Variants in COL28A1 observed in about 807,000 individuals in gnomAD.
COL28A1 encodes the protein collagen type XXVIII alpha 1 chain.
A neutral mutation model predicts 150.2 loss-of-function variants in COL28A1; 161 were observed. The observed-to-expected ratio is 1.07, with a 90% CI of 0.94 to 1.22. The LOEUF (loss-of-function observed/expected upper bound fraction) is 1.22. Among genes scored for constraint, COL28A1 ranks in the 50% most tolerant of loss-of-function variants. The pLI is 0.00. For missense variants in COL28A1, 1,617 were observed against 1,388.3 expected, an observed-to-expected ratio of 1.16 and a Z score of -2.62; for synonymous variants, 552 against 469.7, an observed-to-expected ratio of 1.18 and a Z score of -2.26.
chr7:7,376,513 A>G (rs116299835), intron 30 of COL28A1, among the ~76,000 whole-genome samples: 4,609 of 152,288 alleles, frequency 0.03, 258 homozygotes, highest in African/African-American at 0.1. Context: ...GCTGAGTTAT[A>G]TAATACAATT....
In COL28A1 at chr7:7,443,674, G is replaced by A. The variant is rs1368205758; in HGVS notation, c.1582-21C>T. ...TCTCCCTAGAGAAAATGACACTGAT[G>A]TGTTAGCTGACCCTCCAGTAGACAG... On this transcript the variant is annotated intron_variant, in intron 19 of 34. Coordinates refer to ENST00000399429, the MANE Select transcript of COL28A1 (RefSeq NM_001037763.3). 6.8e-6 allele frequency: 11 copies of A among 1,613,672 alleles called. No individual in the cohort carries two copies. In the African/African-American group the frequency reaches 8.0e-5, roughly 12 times the overall value.
At chr7:7,438,098 C>G (rs901946696) in intron 21 of COL28A1, among the ~76,000 whole-genome samples, 1 of 151,510 alleles carries the variant, frequency 6.6e-6, no homozygotes, top group African/African-American at 2.4e-5. Context: ...AAAAAATAGC[C>G]AAAATTAGCC....
At chr7:7,418,300 C>T (rs980008233) in intron 26 of COL28A1, among the ~76,000 whole-genome samples, 1 of 152,200 alleles carries the variant, frequency 6.6e-6, no homozygotes, top group Admixed American at 6.5e-5. Context: ...TCCACATAGC[C>T]TTAAGATGTT....
intron 30 of COL28A1, among the ~76,000 whole-genome samples, chr7:7,377,537 G>A (rs865944315): frequency 2.0e-5 from 3 of 152,158 alleles, no homozygotes; most frequent in African/African-American, 4.8e-5. Flanking sequence ...GAGCGTTCAG[G>A]CAAGGTGGTC....
At chr7:7,381,267 T>C (rs148022514) in intron 28 of COL28A1, among the ~76,000 whole-genome samples, 202 of 152,314 alleles carry the variant, frequency 1.3e-3, no homozygotes, top group African/African-American at 4.7e-3. Context: ...TTTTTAAACA[T>C]AGAGATGGGA....
In COL28A1 at chr7:7,372,363, C is replaced by A. The variant is rs2128283782; in HGVS notation, c.2908+635G>T. Among the ~76,000 whole-genome samples, 3 of 151,648 alleles carry A rather than the reference C, an allele frequency of 2.0e-5. No homozygotes were observed. In the South Asian group the frequency reaches 6.2e-4, roughly 32 times the overall value. ...GCAGTGAGCTGAGATCACACCACAG[C>A]ACTCCAGCATGGTGACAGAGTGAGA... On this transcript the variant is annotated intron_variant, in intron 32 of 34. Coordinates refer to ENST00000399429, the MANE Select transcript of COL28A1 (RefSeq NM_001037763.3).
chr7:7,494,926 A>G lies in COL28A1; in HGVS notation c.1027-4280T>C, dbSNP rs192234629. On this transcript the variant is annotated intron_variant, in intron 11 of 34. Transcript: ENST00000399429. The stretch of plus-strand genomic sequence containing the variant: ...TAATCTGATGGAAAAGAAAAGAAAC[A>G]AAAGTTACAGAAGAAGAAAGAGCAT... 2.2e-3 allele frequency among the ~76,000 whole-genome samples: 339 copies of G among 152,304 alleles called. 5 individuals carry two copies. Among genetic ancestry groups the G allele is most frequent in the African/African-American group, 7.7e-3 (319 of 41,544 alleles).
intron 33 of COL28A1, among the ~76,000 whole-genome samples, chr7:7,362,134 C>T (rs1701048499): frequency 1.3e-5 from 2 of 152,174 alleles, no homozygotes; most frequent in East Asian, 1.9e-4. Context: ...ACCTATGTAA[C>T]AAACCTGCAC....
At position 7,458,338 on chromosome 7, in the gene COL28A1, C is replaced by T. The variant is rs148031034; in HGVS notation, c.1303-2226G>A. On this transcript the variant is annotated intron_variant, in intron 15 of 34. Coordinates refer to ENST00000399429, the MANE Select transcript of COL28A1 (RefSeq NM_001037763.3). ...GGCTAAGGCAGGAGAATCATTTGAA[C>T]CGGGGAGGTGAATGGTGCAGTGAGC... is the stretch of plus-strand genomic sequence containing the variant. Among the ~76,000 whole-genome samples the T allele has an allele frequency of 1.7e-3, 264 of 152,162 alleles. 2 individuals are homozygous for T. Among genetic ancestry groups the T allele is most frequent in the African/African-American group, 5.9e-3 (245 of 41,532 alleles).
chr7:7,430,751 A>AT (rs918212125), intron 25 of COL28A1, among the ~76,000 whole-genome samples: 2 of 151,786 alleles, frequency 1.3e-5, no homozygotes, highest in Non-Finnish European at 2.9e-5. Flanking sequence ...GAATTTCTCT[A>AT]TTTTTTTTAA....
At chr7:7,359,328 T>C (rs1365657769) in intron 34 of COL28A1, among the ~76,000 whole-genome samples, 3 of 152,056 alleles carry the variant, frequency 2.0e-5, no homozygotes, top group Admixed American at 2.0e-4. Context: ...TGTCTTTATA[T>C]TACAATTATA....
chr7:7,365,744 G>A (rs1341249813), intron 33 of COL28A1, among the ~76,000 whole-genome samples: 1 of 152,154 alleles, frequency 6.6e-6, no homozygotes, highest in East Asian at 1.9e-4. Flanking sequence ...CATATTCCCA[G>A]GAGTGTGGGT....
At position 7,380,468 on chromosome 7, in the gene COL28A1, T is replaced by C. The variant is rs988434062; in HGVS notation, c.2322+192A>G. Among the ~76,000 whole-genome samples, 9 of 152,304 alleles carry C rather than the reference T, an allele frequency of 5.9e-5. 1 individual carries two copies. The highest frequency in any genetic ancestry group is 2.2e-4 in the African/African-American group (9 of 41,560). ...ACCCACCACAAGGCAGGACAAGGTTTTATCTCTCCCCTCATAGTCAGATTC... is the reference window on the plus strand; with the variant it reads ...ACCCACCACAAGGCAGGACAAGGTTCTATCTCTCCCCTCATAGTCAGATTC... On this transcript the variant is annotated intron_variant, in intron 30 of 34. Transcript: ENST00000399429.
chr7:7,476,921 C>T (rs989791401), intron 14 of COL28A1, among the ~76,000 whole-genome samples, 191 bp downstream of exon 14: 3 of 152,204 alleles, frequency 2.0e-5, no homozygotes, highest in Non-Finnish European at 4.4e-5. Flanking sequence ...CTTTCAATTA[C>T]TTATTTGTAG....
intron 27 of COL28A1, among the ~76,000 whole-genome samples, chr7:7,392,208 A>G (rs543832555): frequency 2.0e-5 from 3 of 152,186 alleles, no homozygotes; most frequent in Non-Finnish European, 4.4e-5. Flanking sequence ...GTTTGTCTGT[A>G]AAGGATTTTA....
At chr7:7,430,100 A>C (rs971939502) in intron 25 of COL28A1, among the ~76,000 whole-genome samples, 7 of 152,196 alleles carry the variant, frequency 4.6e-5, no homozygotes, top group African/African-American at 1.7e-4. Flanking sequence ...AATCTGACAC[A>C]GTGAAATATT....
In COL28A1 at chr7:7,373,605, G is replaced by A. The variant is rs1034180959; in HGVS notation, c.2360-59C>T. 3 of 1,422,430 alleles carry A rather than the reference G, an allele frequency of 2.1e-6. No homozygotes were observed. Among genetic ancestry groups the A allele is most frequent in the Non-Finnish European group, 1.9e-6 (2 of 1,037,356 alleles). 88.1% of individuals were successfully genotyped at this position (1,422,430 alleles called of 1,614,324 possible). A position where few individuals can be genotyped will look rare whatever the true frequency, so the allele number is the denominator to read the frequency against. Reference sequence around the variant, plus strand: ...GGAATGATTGACATCAGATTGTTGAGGGGAGGGGAGAAAAAGTCAATGATG... The same window carrying A: ...GGAATGATTGACATCAGATTGTTGAAGGGAGGGGAGAAAAAGTCAATGATG... On this transcript the variant is annotated intron_variant, in intron 31 of 34. Transcript: ENST00000399429. The surrounding 1 kb of genome is among the most constrained non-coding windows in gnomAD (Gnocchi z 4.1).
intron 30 of COL28A1, 95 bp downstream of exon 30, chr7:7,380,565 T>C (rs2128288601): frequency 9.3e-7 from 1 of 1,075,826 alleles, no homozygotes; most frequent in Middle Eastern, 2.0e-4. Flanking sequence ...ACTGGGATTC[T>C]GCATCCAAAA....
chr7:7,381,275 G>A (rs1319010838), intron 28 of COL28A1, among the ~76,000 whole-genome samples: 1 of 151,972 alleles, frequency 6.6e-6, no homozygotes, highest in Non-Finnish European at 1.5e-5. Flanking sequence ...CATAGAGATG[G>A]GATCTCACTA....
Sources: gnomAD v4.1 joint callset for allele counts (sites outside exome capture counted in the v4.1 genomes callset) on GRCh38, gnomAD v4.1.1 for gene constraint, Gnocchi (gnomAD v3.1) non-coding constraint, MANE v1.5 for transcripts, NCBI Gene and HGNC (gene_info 2026-07-23, HGNC 2026-07-21) for gene names.